The following CADPS2 variants were observed in gnomAD, a reference collection of about 807,000 sequenced individuals.
CADPS2 encodes calcium-dependent secretion activator 2.
In CADPS2, 93 loss-of-function variants were observed where a neutral mutation model predicts 172.5. The observed-to-expected ratio is 0.54, with a 90% CI of 0.46 to 0.64. The LOEUF is 0.64. Ranked by LOEUF, CADPS2 falls within the 30% of genes least tolerant of loss-of-function variation. The pLI, the probability that CADPS2 is intolerant of heterozygous loss-of-function variation, is 0.00. For missense variants in CADPS2, 1,420 were observed against 1,565.9 expected, an observed-to-expected ratio of 0.91 and a Z score of 1.57; for synonymous variants, 546 against 555.2, an observed-to-expected ratio of 0.98 and a Z score of 0.23.
intron 6 of CADPS2, among the ~76,000 whole-genome samples, chr7:122,598,786 C>T (rs1388204515): frequency 6.6e-6 from 1 of 152,010 alleles, no homozygotes; most frequent in Non-Finnish European, 1.5e-5. Flanking sequence ...AATGCTTCAT[C>T]AAATAAAGGT....
At chr7:122,352,101 T>G (rs575618459) in intron 27 of CADPS2, among the ~76,000 whole-genome samples, 1 of 152,356 alleles carries the variant, frequency 6.6e-6, no homozygotes, top group African/African-American at 2.4e-5. Context: ...TTGCTATTTC[T>G]GATCTACGGT....
intron 25 of CADPS2, among the ~76,000 whole-genome samples, chr7:122,373,989 T>A (rs1443195923): frequency 6.6e-6 from 1 of 151,924 alleles, no homozygotes; most frequent in Non-Finnish European, 1.5e-5. Context: ...TAAACATGGA[T>A]ACAAAAATCT....
At chr7:122,657,619 T>C (rs1032558889) in intron 3 of CADPS2, among the ~76,000 whole-genome samples, 29 of 152,294 alleles carry the variant, frequency 1.9e-4, no homozygotes, top group Non-Finnish European at 3.2e-4. Flanking sequence ...TTGTCTGTTA[T>C]TGGTGTATAA....
At position 122,318,422 on chromosome 7, in the gene CADPS2, T is replaced by C. The variant is rs1179046158; in HGVS notation, c.*1743A>G. ...AAAGGGATGCATTATTTGGAGATGA[T>C]CTGTATCAAGGAAATGGACATTTTA... On this transcript the variant is annotated 3_prime_UTR_variant, in exon 30 of 30. Transcript: ENST00000449022. The C allele has an allele frequency of 3.3e-5, 5 of 152,240 alleles. No homozygotes were observed. Among genetic ancestry groups the C allele is most frequent in the African/African-American group, 1.2e-4 (5 of 41,440 alleles). 9.4% of individuals were successfully genotyped at this position (152,240 alleles called of 1,614,324 possible).
chr7:122,511,403 G>A (rs534524724), intron 9 of CADPS2, among the ~76,000 whole-genome samples: 2 of 151,986 alleles, frequency 1.3e-5, no homozygotes, highest in South Asian at 2.1e-4. Flanking sequence ...ACCTTACCTG[G>A]CAAAAAGCAT....
chr7:122,355,602 C>T (rs200625068), intron 27 of CADPS2, among the ~76,000 whole-genome samples: 5 of 151,524 alleles, frequency 3.3e-5, no homozygotes, highest in East Asian at 3.9e-4. Context: ...AAAAAAATTC[C>T]GACAAGTGAC....
chr7:122,426,311 C>T (rs1439572038), intron 17 of CADPS2: 1 of 152,160 alleles, frequency 6.6e-6, no homozygotes, highest in East Asian at 1.9e-4. Context: ...ACCAGGTTTA[C>T]AGAGTAGGGT....
chr7:122,740,267 T>C lies in CADPS2; in HGVS notation c.340-3199A>G, dbSNP rs151236798. ...AGTTGGAAATTTATGTCCACACAAA[T>C]ACCTGTACACAAATGTTTAAAGTAG... On this transcript the variant is annotated intron_variant, in intron 1 of 29. Coordinates refer to ENST00000449022, the MANE Select transcript of CADPS2 (RefSeq NM_017954.11). Among the ~76,000 whole-genome samples, 1,006 of 152,274 alleles carry C rather than the reference T, an allele frequency of 6.6e-3. 12 individuals carry two copies. Among genetic ancestry groups the C allele is most frequent in the African/African-American group, 0.023 (960 of 41,572 alleles).
At position 122,820,704 on chromosome 7, in the gene CADPS2, C is replaced by T. The variant is rs527956420; in HGVS notation, c.339+65295G>A. Among the ~76,000 whole-genome samples the T allele has an allele frequency of 1.8e-4, 24 of 133,600 alleles. 2 individuals are homozygous for T. In the South Asian group the frequency reaches 3.2e-3, roughly 18 times the overall value. The allele number at this position is 133,600 out of a possible 152,430, so 87.6% of individuals were successfully genotyped here. ...CCTCCCGAGTAGCTGGGACTACAGG[C>T]GCCCGCTACCACGCCCGGCTAATTT... On this transcript the variant is annotated intron_variant, in intron 1 of 29. Transcript: ENST00000449022.
chr7:122,631,010 G>A (rs2076527624), intron 3 of CADPS2, among the ~76,000 whole-genome samples: 1 of 151,966 alleles, frequency 6.6e-6, no homozygotes, highest in Admixed American at 6.6e-5. Context: ...AAATCAAAAT[G>A]ATTAAAATTA....
intron 17 of CADPS2, among the ~76,000 whole-genome samples, chr7:122,428,471 A>ATTT (rs369393609): frequency 8.5e-6 from 1 of 117,082 alleles, no homozygotes; most frequent in South Asian, 2.4e-4. Flanking sequence ...ATATATATAT[A>ATTT]TTTTTTTTTT....
At chr7:122,549,381 A>G (rs781112881) in intron 8 of CADPS2, among the ~76,000 whole-genome samples, 1 of 152,148 alleles carries the variant, frequency 6.6e-6, no homozygotes, top group African/African-American at 2.4e-5. Flanking sequence ...AGCTGACTCA[A>G]TACTTACCGT....
chr7:122,446,656 T>C (rs561364224), intron 15 of CADPS2, among the ~76,000 whole-genome samples: 4 of 152,216 alleles, frequency 2.6e-5, no homozygotes, highest in Non-Finnish European at 4.4e-5. Context: ...TGATCAATAC[T>C]TAACAGGAGA....
intron 25 of CADPS2, among the ~76,000 whole-genome samples, chr7:122,377,468 G>A (rs889696224): frequency 6.6e-6 from 1 of 152,046 alleles, no homozygotes; most frequent in Non-Finnish European, 1.5e-5. Flanking sequence ...ATCATCTATA[G>A]CTAGCATGTA....
At chr7:122,560,120 G>A (rs1563703100) in intron 7 of CADPS2, among the ~76,000 whole-genome samples, 1 of 152,088 alleles carries the variant, frequency 6.6e-6, no homozygotes, top group African/African-American at 2.4e-5. Context: ...CATGTTTGAG[G>A]AATAGAATAA....
At chr7:122,685,198 C>T (rs1053635458) in intron 2 of CADPS2, among the ~76,000 whole-genome samples, 21 of 152,160 alleles carry the variant, frequency 1.4e-4, no homozygotes, top group Non-Finnish European at 3.1e-4. Flanking sequence ...ATCACCACCA[C>T]TAAAGTGACA....
chr7:122,839,293 G>T (rs1809614907), intron 1 of CADPS2, among the ~76,000 whole-genome samples: 1 of 152,128 alleles, frequency 6.6e-6, no homozygotes, highest in African/African-American at 2.4e-5. Flanking sequence ...ATGGATTAAA[G>T]ACTTAAATGT....
chr7:122,410,046 TA>T (rs1167953351), intron 19 of CADPS2, among the ~76,000 whole-genome samples: 2 of 152,080 alleles, frequency 1.3e-5, no homozygotes, highest in African/African-American at 4.8e-5. Context: ...TCCTTCAGCT[TA>T]AAAAACTTAC....
chr7:122,660,372 TC>T (rs2080390025), intron 3 of CADPS2, among the ~76,000 whole-genome samples: 1 of 151,960 alleles, frequency 6.6e-6, no homozygotes, highest in Admixed American at 6.6e-5. Flanking sequence ...AAATTTTGTT[TC>T]GTTTTTTAAA....
Sources: gnomAD v4.1 joint callset for allele counts (sites outside exome capture counted in the v4.1 genomes callset) on GRCh38, gnomAD v4.1.1 for gene constraint, MANE v1.5 for transcripts, NCBI Gene and HGNC (gene_info 2026-07-23, HGNC 2026-07-21) for gene names.